GPC6: variants seen among roughly 807,000 people sequenced by gnomAD.
GPC6 encodes glypican 6.
Under a neutral mutation model 55.2 loss-of-function variants are expected in GPC6, and 14 were observed. The ratio of observed to expected loss-of-function variants is 0.25; its 90% CI spans 0.17 to 0.40. The LOEUF (loss-of-function observed/expected upper bound fraction) is 0.40. GPC6 is among the 10% of genes least tolerant of loss of function. The pLI is 1.00. For synonymous variants in GPC6, 278 were observed against 259.6 expected (o/e 1.07, Z -0.68); for missense variants, 641 against 708.5 (o/e 0.90, Z 1.08).
chr13:93,963,833 G>T (rs144537808), intron 3 of GPC6, among the ~76,000 whole-genome samples: 4 of 152,254 alleles, frequency 2.6e-5, no homozygotes, highest in African/African-American at 9.6e-5. Flanking sequence ...CCAAGATGTT[G>T]TCAAAATAAG....
chr13:93,863,105 A>G (rs1201576496), intron 3 of GPC6, among the ~76,000 whole-genome samples: 1 of 151,658 alleles, frequency 6.6e-6, no homozygotes, highest in East Asian at 2.0e-4. Flanking sequence ...CAAATACCCA[A>G]TGCTACAAGG....
chr13:94,027,657 T>C, intron 3 of GPC6, 72 bp from the exon 4 acceptor site: 10 of 1,296,526 alleles, frequency 7.7e-6, no homozygotes, highest in Non-Finnish European at 1.0e-5. Flanking sequence ...TTATCACTGC[T>C]ATTTTGTCTT....
At chr13:93,918,534 G>A (rs1032034738) in intron 3 of GPC6, among the ~76,000 whole-genome samples, 14 of 152,020 alleles carry the variant, frequency 9.2e-5, no homozygotes, top group Admixed American at 9.2e-4. Context: ...ATTCTCCAAT[G>A]TCCCACATTA....
At chr13:93,232,110 T>TG (rs977308838) in intron 1 of GPC6, among the ~76,000 whole-genome samples, 1 of 151,962 alleles carries the variant, frequency 6.6e-6, no homozygotes, top group African/African-American at 2.4e-5. Context: ...TTTTTTTTTT[T>TG]TTTCCAGTTT....
At chr13:93,231,541 C>A (rs1031439384) in intron 1 of GPC6, among the ~76,000 whole-genome samples, 1 of 150,904 alleles carries the variant, frequency 6.6e-6, no homozygotes, top group Non-Finnish European at 1.5e-5. Flanking sequence ...TTCTCAATAT[C>A]ACTTTGACTT....
intron 1 of GPC6, among the ~76,000 whole-genome samples, chr13:93,268,185 T>C (rs1364189503): frequency 1.3e-5 from 2 of 152,202 alleles, no homozygotes; most frequent in South Asian, 2.1e-4. Flanking sequence ...ATTTGCAAAA[T>C]AGATTTATCT....
intron 4 of GPC6, among the ~76,000 whole-genome samples, chr13:94,067,616 T>C (rs539664755): frequency 7.1e-6 from 1 of 141,094 alleles, no homozygotes; most frequent in African/African-American, 2.9e-5. Flanking sequence ...GATAGATAGA[T>C]AGATAGACAG....
intron 1 of GPC6, among the ~76,000 whole-genome samples, chr13:93,334,792 T>C (rs997988800): frequency 6.6e-6 from 1 of 152,196 alleles, no homozygotes; most frequent in African/African-American, 2.4e-5. Flanking sequence ...ACTGAAAACT[T>C]ACCTATGAAG....
At chr13:93,462,010 C>T (rs1238398577) in intron 1 of GPC6, among the ~76,000 whole-genome samples, 1 of 152,080 alleles carries the variant, frequency 6.6e-6, no homozygotes, top group African/African-American at 2.4e-5. Flanking sequence ...ACCCACAAGC[C>T]ATGCCATCTT....
intron 2 of GPC6, among the ~76,000 whole-genome samples, chr13:93,765,311 T>TGTCTGGAAAGACAACTTTACAGATAAGC (rs1368557718): frequency 8.8e-5 from 3 of 34,084 alleles, no homozygotes; most frequent in African/African-American, 2.6e-4. Flanking sequence ...GACAACTTAT[T>TGTCTGGAAAGACAACTTTACAGATAAGC]TGGTTTAAGT....
intron 1 of GPC6, among the ~76,000 whole-genome samples, chr13:93,505,928 T>C (rs564261002): frequency 6.6e-6 from 1 of 152,326 alleles, no homozygotes; most frequent in East Asian, 1.9e-4. Flanking sequence ...GGACTGCCTG[T>C]GTATCTATTA....
rs1443129462 is a variant in GPC6 at position 93,675,987 on chromosome 13, G to C, written c.319+130566G>C. ...AACTGGGCTTTAAAAAATGGTGCCA[G>C]AGGCCAGGTGCAGTGGCTCATGCCT... On this transcript the variant is annotated intron_variant, in intron 2 of 8. Coordinates refer to ENST00000377047, the MANE Select transcript of GPC6 (RefSeq NM_005708.5). Among the ~76,000 whole-genome samples, 6 of 151,368 alleles carry C rather than the reference G, an allele frequency of 4.0e-5. No individual in the cohort carries two copies. In the East Asian group the frequency reaches 7.8e-4, roughly 20 times the overall value.
In GPC6 at chr13:94,042,645, T is replaced by G. The variant is rs557023291; in HGVS notation, c.877+14751T>G. On this transcript the variant is annotated intron_variant, in intron 4 of 8. Coordinates refer to ENST00000377047, the MANE Select transcript of GPC6 (RefSeq NM_005708.5). ...TTTGGGTTCTTCTGATATTTTCTAG[T>G]GTCTGCTGGTATTTTTCACTGTAGA... Among the ~76,000 whole-genome samples the G allele has an allele frequency of 2.6e-5, 4 of 152,018 alleles. No individual in the cohort carries two copies. The South Asian group carries it at 8.3e-4, about 32-fold the overall frequency.
chr13:93,818,015 TATATA>T (rs1458114871), intron 2 of GPC6, among the ~76,000 whole-genome samples: 2 of 147,518 alleles, frequency 1.4e-5, no homozygotes, highest in Non-Finnish European at 3.0e-5. Flanking sequence ...ATTATATACT[TATATA>T]TTATAGATGT....
chr13:93,800,595 T>G (rs9516292), intron 2 of GPC6, among the ~76,000 whole-genome samples: 101,625 of 151,896 alleles, frequency 0.67, 34,625 homozygotes, highest in East Asian at 0.81. Flanking sequence ...CATAAACAGG[T>G]TTCCATGTCA....
chr13:94,224,445 T>C (rs932794006), intron 4 of GPC6, among the ~76,000 whole-genome samples: 1 of 152,072 alleles, frequency 6.6e-6, no homozygotes, highest in Non-Finnish European at 1.5e-5. Context: ...CTGAGGGTTC[T>C]GGGAATTAAA....
chr13:94,028,509 T>TA (rs35971946), intron 4 of GPC6, among the ~76,000 whole-genome samples: 87,980 of 147,830 alleles, frequency 0.6, 27,094 homozygotes, highest in African/African-American at 0.8. Flanking sequence ...AAGAATCTTG[T>TA]AAAAAAAAAA....
At chr13:93,612,532 C>CACACACACAG (rs1878524022) in intron 2 of GPC6, among the ~76,000 whole-genome samples, 1 of 151,916 alleles carries the variant, frequency 6.6e-6, no homozygotes, top group South Asian at 2.1e-4. Flanking sequence ...CACACACACA[C>CACACACACAG]ACACACACAC....
chr13:94,069,253 A>G (rs369634257), intron 4 of GPC6, among the ~76,000 whole-genome samples: 24 of 152,314 alleles, frequency 1.6e-4, no homozygotes, highest in African/African-American at 5.8e-4. Flanking sequence ...CCAGAGCTGT[A>G]CCTTGGTCCC....
Sources: gnomAD v4.1 joint callset for allele counts (sites outside exome capture counted in the v4.1 genomes callset) on GRCh38, gnomAD v4.1.1 for gene constraint, MANE v1.5 for transcripts, NCBI Gene and HGNC (gene_info 2026-07-23, HGNC 2026-07-21) for gene names.